MAP2K4: variants seen among roughly 807,000 people sequenced by gnomAD.
MAP2K4 encodes the protein mitogen-activated protein kinase kinase 4.
A neutral mutation model predicts 48.5 loss-of-function variants in MAP2K4; 4 were observed. That is an observed-to-expected ratio of 0.08 (90% CI 0.04 to 0.19). The LOEUF (loss-of-function observed/expected upper bound fraction) is 0.19, where lower values mean the gene tolerates loss of function less well. Ranked by LOEUF, MAP2K4 falls within the 10% of genes least tolerant of loss-of-function variation. MAP2K4 has a pLI of 1.00. For synonymous variants in MAP2K4, 166 were observed against 173.1 expected, an observed-to-expected ratio of 0.96 and a Z score of 0.32; for missense variants, 258 against 493.3, an observed-to-expected ratio of 0.52 and a Z score of 4.52.
At chr17:12,049,821 T>A (rs539468973) in intron 1 of MAP2K4, among the ~76,000 whole-genome samples, 1 of 152,328 alleles carries the variant, frequency 6.6e-6, no homozygotes, top group African/African-American at 2.4e-5. Context: ...GCAAGGTCCC[T>A]TTGCAGATGG....
chr17:12,111,995 C>T (rs542732438), intron 6 of MAP2K4, among the ~76,000 whole-genome samples: 3 of 152,290 alleles, frequency 2.0e-5, no homozygotes, highest in South Asian at 2.1e-4. Flanking sequence ...ACTTTTCCCA[C>T]GTCTCTAATA....
At chr17:12,071,281 A>G (rs1296834476) in intron 2 of MAP2K4, among the ~76,000 whole-genome samples, 1 of 152,152 alleles carries the variant, frequency 6.6e-6, no homozygotes. Flanking sequence ...TACAGATGGT[A>G]TTGAAGAACT....
At chr17:12,095,895 TTGTGTGTGTGTGTGTG>T (rs71947375) in intron 4 of MAP2K4, among the ~76,000 whole-genome samples, 75 of 147,394 alleles carry the variant, frequency 5.1e-4, no homozygotes, top group African/African-American at 1.6e-3. Context: ...ACACGTGTGT[TTGTGTGTGTGTGTGTG>T]TGTGTGTGTG....
rs71367376 is a variant in MAP2K4, at chr17:12,060,728, G to GGGGTGTGTGT, written c.218+5738_218+5739insGGTGTGTGTG. 1.8e-4 allele frequency among the ~76,000 whole-genome samples: 27 copies of GGGGTGTGTGT among 150,352 alleles called. No homozygotes were observed. The East Asian group carries it at 3.5e-3, about 20-fold the overall frequency. On this transcript the variant is annotated intron_variant, in intron 2 of 10. Coordinates refer to ENST00000353533, the MANE Select transcript of MAP2K4 (RefSeq NM_003010.4). ...ATCTCAAATGTGTTAAATACTATGG[G>GGGGTGTGTGT]GTGTGTGTGTGTGTGTGTGCGCGCG...
chr17:12,087,782 C>T (rs1160235266), intron 3 of MAP2K4, among the ~76,000 whole-genome samples: 1 of 152,006 alleles, frequency 6.6e-6, no homozygotes, highest in African/African-American at 2.4e-5. Context: ...TTAACAGACA[C>T]TTATTTTTTC....
intron 1 of MAP2K4, among the ~76,000 whole-genome samples, chr17:12,034,384 A>G (rs1404497918): frequency 6.6e-6 from 1 of 152,190 alleles, no homozygotes; most frequent in African/African-American, 2.4e-5. Context: ...GGAGGGGCAT[A>G]TGTATTCCCA....
At chr17:12,089,268 C>G (rs567043187) in intron 3 of MAP2K4, among the ~76,000 whole-genome samples, 15 of 152,236 alleles carry the variant, frequency 9.9e-5, no homozygotes, top group African/African-American at 3.4e-4. Context: ...TGTAGGGGAA[C>G]AAGCCCCCTG....
intron 8 of MAP2K4, among the ~76,000 whole-genome samples, 160 bp from the exon 9 acceptor site, chr17:12,128,979 A>G (rs1972943528): frequency 6.6e-6 from 1 of 152,220 alleles, no homozygotes; most frequent in African/African-American, 2.4e-5. Flanking sequence ...ACTTCTACTT[A>G]GCCTTTATGA....
At chr17:12,058,302 G>A (rs1970347811) in intron 2 of MAP2K4, among the ~76,000 whole-genome samples, 1 of 151,306 alleles carries the variant, frequency 6.6e-6, no homozygotes, top group Admixed American at 6.6e-5. Flanking sequence ...TGGATTCCAG[G>A]GATCCTCCCG....
Position 12,095,590 on chromosome 17 carries a change from G to A in MAP2K4, c.409G>A (p.Val137Met), listed in dbSNP as rs775475276. ...IMAVKRIRST[V>M]DEKEQKQLLM... ...TCTTTTCCAGAGAATTCGGTCAACA[G>A]TGGATGAAAAAGAACAAAAACAACT... Residue 137 changes from valine (V) to methionine (M), a missense_variant, in exon 4 of 11, where the codon GTG becomes ATG. Coordinates refer to ENST00000353533, the MANE Select transcript of MAP2K4 (RefSeq NM_003010.4). 3 of 1,613,898 alleles carry A rather than the reference G, an allele frequency of 1.9e-6. No individual in the cohort carries two copies. The South Asian group carries it at 3.3e-5, about 18-fold the overall frequency.
chr17:12,118,425 A>G (rs538515111), intron 7 of MAP2K4, among the ~76,000 whole-genome samples: 7 of 152,270 alleles, frequency 4.6e-5, no homozygotes, highest in African/African-American at 1.7e-4. Context: ...CCAGTCCATT[A>G]TTATACTAAT....
At chr17:12,021,734 GAAAAAAAA>G (rs896882494) in intron 1 of MAP2K4, among the ~76,000 whole-genome samples, 6 of 99,984 alleles carry the variant, frequency 6.0e-5, no homozygotes, top group Admixed American at 1.1e-4. Context: ...CGTGCAGGAA[GAAAAAAAA>G]AAAAAAAAAA....
intron 4 of MAP2K4, 97 bp downstream of exon 4, chr17:12,095,791 T>G: frequency 7.7e-7 from 1 of 1,296,840 alleles, no homozygotes; most frequent in East Asian, 2.3e-5. Flanking sequence ...CATACATTAG[T>G]AATAAGTTAA....
At chr17:12,102,243 T>C (rs1971959646) in intron 4 of MAP2K4, among the ~76,000 whole-genome samples, 2 of 152,152 alleles carry the variant, frequency 1.3e-5, no homozygotes, top group Non-Finnish European at 2.9e-5. Context: ...TGTCAAATTC[T>C]TTTTCCAGAT....
intron 2 of MAP2K4, among the ~76,000 whole-genome samples, chr17:12,060,728 GGTGTGT>G (rs368390462): frequency 3.3e-5 from 5 of 150,252 alleles, no homozygotes; most frequent in Non-Finnish European, 7.4e-5. Context: ...AATACTATGG[GGTGTGT>G]GTGTGTGTGT....
intron 1 of MAP2K4, among the ~76,000 whole-genome samples, chr17:12,046,956 A>G (rs1969984008): frequency 6.6e-6 from 1 of 152,106 alleles, no homozygotes; most frequent in Non-Finnish European, 1.5e-5. Context: ...GTAGTCTACA[A>G]GTAGAATGCT....
intron 1 of MAP2K4, among the ~76,000 whole-genome samples, chr17:12,027,467 A>T (rs72819258): frequency 0.22 from 33,902 of 151,966 alleles, 3,982 homozygotes; most frequent in Middle Eastern, 0.26. Flanking sequence ...GTGTTGCCAG[A>T]CATATATATC....
At chr17:12,033,836 CAG>C (rs1158462984) in intron 1 of MAP2K4, among the ~76,000 whole-genome samples, 6 of 152,124 alleles carry the variant, frequency 3.9e-5, no homozygotes, top group Non-Finnish European at 8.8e-5. Context: ...ATTTCGGAGA[CAG>C]AGTCTCACTG....
chr17:12,042,930 C>T (rs1406465812), intron 1 of MAP2K4, among the ~76,000 whole-genome samples: 1 of 151,882 alleles, frequency 6.6e-6, no homozygotes, highest in East Asian at 1.9e-4. Context: ...GCCTGTAGTC[C>T]CAGCTACTCG....
Sources: gnomAD v4.1 joint callset for allele counts (sites outside exome capture counted in the v4.1 genomes callset) on GRCh38, gnomAD v4.1.1 for gene constraint, MANE v1.5 for transcripts, NCBI Gene and HGNC (gene_info 2026-07-23, HGNC 2026-07-21) for gene names.